SBF2: variants seen among roughly 807,000 people sequenced by gnomAD.
The protein encoded by SBF2 is SET binding factor 2.
A neutral mutation model predicts 225.2 loss-of-function variants in SBF2; 112 were observed. That is an observed-to-expected ratio of 0.50 (90% CI 0.43 to 0.58). The LOEUF is 0.58. Ranked by LOEUF, SBF2 falls within the 20% of genes least tolerant of loss-of-function variation. The pLI is 0.00. For synonymous variants in SBF2, 763 were observed against 773.3 expected, an observed-to-expected ratio of 0.99 and a Z score of 0.22; for missense variants, 1,996 against 2,206.2, an observed-to-expected ratio of 0.90 and a Z score of 1.91.
intron 2 of SBF2, among the ~76,000 whole-genome samples, chr11:10,074,082 T>C (rs934018189): frequency 9.2e-5 from 14 of 152,200 alleles, no homozygotes; most frequent in Non-Finnish European, 1.5e-4. Flanking sequence ...TATTTGTAGT[T>C]TGCTTCACAA....
At chr11:9,996,996 T>A (rs569709946) in intron 9 of SBF2, among the ~76,000 whole-genome samples, 46 of 152,156 alleles carry the variant, frequency 3.0e-4, no homozygotes, top group Non-Finnish European at 5.0e-4. Context: ...ACTAGTGTCT[T>A]TTGCACTCTA....
intron 12 of SBF2, 46 bp from the exon 13 acceptor site, chr11:9,989,641 C>G: frequency 5.3e-6 from 6 of 1,127,010 alleles, no homozygotes; most frequent in Non-Finnish European, 6.6e-6. Flanking sequence ...CAAAATATGC[C>G]AAATTCAAAA....
At position 10,271,971 on chromosome 11, in the gene SBF2, A is replaced by T; in HGVS notation, c.55+22044T>A. ...GCTGAAATATCTCTAAAAGTTAGGT[A>T]AAAGTGTTTTCTTGAGACTTGAAGG... is the stretch of plus-strand genomic sequence containing the variant. On this transcript the variant is annotated intron_variant, in intron 1 of 39. Transcript: ENST00000256190. 2.7e-6 allele frequency: 2 copies of T among 735,446 alleles called. 1 individual carries two copies. The highest frequency in any genetic ancestry group is 4.0e-5 in the South Asian group (2 of 49,904). The allele number at this position is 735,446 out of a possible 1,614,324, so 45.6% of individuals were successfully genotyped here.
In SBF2 at chr11:9,968,372, C is replaced by T. The variant is rs776951161; in HGVS notation, c.1569G>A (p.Lys523=). 31 of 1,614,036 alleles carry T rather than the reference C, an allele frequency of 1.9e-5. No individual in the cohort carries two copies. In the Admixed American group the frequency reaches 5.0e-4, roughly 26 times the overall value. ...GTGGACCTGCTGGCACAACACATTT[C>T]TTTTCTATTCGTGTGGCAGGAGGTG... ...QNAPPATRIE[K]KCVVPAGPPV... Residue 523 remains lysine, a synonymous_variant, in exon 14 of 40, where the codon AAG becomes AAA. Coordinates refer to ENST00000256190, the MANE Select transcript of SBF2 (RefSeq NM_030962.4).
intron 1 of SBF2, among the ~76,000 whole-genome samples, chr11:10,246,476 G>A (rs952961506): frequency 6.6e-6 from 1 of 152,124 alleles, no homozygotes; most frequent in Non-Finnish European, 1.5e-5. Flanking sequence ...TAGACACGGG[G>A]TTTCACCATG....
intron 6 of SBF2, among the ~76,000 whole-genome samples, chr11:10,009,720 A>G (rs541634351): frequency 6.6e-6 from 1 of 152,314 alleles, no homozygotes; most frequent in African/African-American, 2.4e-5. Flanking sequence ...CAATAAACAT[A>G]CGTGTGCATG....
At position 10,080,300 on chromosome 11, in the gene SBF2, A is replaced by G. The variant is rs868702519; in HGVS notation, c.142-37319T>C. On this transcript the variant is annotated intron_variant, in intron 2 of 39. Transcript: ENST00000256190. The stretch of plus-strand genomic sequence containing the variant: ...ACCCCAAATTTTATATCCTGCTAGA[A>G]TAAGTAAAGGAGTAATAAAGTCTTT... Among the ~76,000 whole-genome samples, 7 of 151,798 alleles carry G rather than the reference A, an allele frequency of 4.6e-5. No individual in the cohort carries two copies. The South Asian group carries it at 1.0e-3, about 23-fold the overall frequency.
chr11:10,052,436 A>G (rs1950096868), intron 2 of SBF2, among the ~76,000 whole-genome samples: 1 of 152,200 alleles, frequency 6.6e-6, no homozygotes, highest in Non-Finnish European at 1.5e-5. Context: ...GGAACAGGCA[A>G]TGTGGGAATC....
chr11:10,151,010 T>C (rs891077375), intron 2 of SBF2, among the ~76,000 whole-genome samples: 11 of 152,212 alleles, frequency 7.2e-5, no homozygotes, highest in African/African-American at 1.9e-4. Context: ...TCAGCATTTC[T>C]TGTAAGACTC....
intron 22 of SBF2, 108 bp downstream of exon 22, chr11:9,849,915 A>G: frequency 9.1e-7 from 1 of 1,100,806 alleles, no homozygotes; most frequent in Non-Finnish European, 1.4e-6. Flanking sequence ...TGTGTGGCAA[A>G]AAGCTGACTT....
chr11:9,850,233 A>T lies in SBF2; in HGVS notation c.2611-15T>A. The T allele has an allele frequency of 1.2e-6, 2 of 1,610,096 alleles. No individual in the cohort carries two copies. The highest frequency in any genetic ancestry group is 8.5e-7 in the Non-Finnish European group (1 of 1,178,002). On this transcript the variant is annotated splice_polypyrimidine_tract_variant and intron_variant, in intron 21 of 39. Coordinates refer to ENST00000256190, the MANE Select transcript of SBF2 (RefSeq NM_030962.4). The stretch of plus-strand genomic sequence containing the variant: ...AGAATCTTGGGCTTACAACAGAAAA[A>T]GATTGATTGATTGATTGATTGACTA...
intron 2 of SBF2, among the ~76,000 whole-genome samples, chr11:10,083,141 C>T (rs962638530): frequency 3.9e-5 from 6 of 151,962 alleles, no homozygotes; most frequent in Non-Finnish European, 8.8e-5. Flanking sequence ...GCTACCAAAA[C>T]CAAAACAACA....
At chr11:10,035,960 A>G (rs1422346492) in intron 3 of SBF2, among the ~76,000 whole-genome samples, 1 of 152,212 alleles carries the variant, frequency 6.6e-6, no homozygotes, top group Non-Finnish European at 1.5e-5. Flanking sequence ...ACACATGCAC[A>G]CGTATGCTTA....
chr11:9,884,338 AGTTTTT>A (rs1439324753), intron 17 of SBF2, among the ~76,000 whole-genome samples: 1 of 152,200 alleles, frequency 6.6e-6, no homozygotes, highest in African/African-American at 2.4e-5. Context: ...CTGGACCTTT[AGTTTTT>A]GAGTCTGATC....
intron 28 of SBF2, among the ~76,000 whole-genome samples, chr11:9,827,120 G>A (rs1166268870): frequency 6.6e-6 from 1 of 152,168 alleles, no homozygotes; most frequent in Non-Finnish European, 1.5e-5. Flanking sequence ...TTATAGGCGT[G>A]AGCCACCGTG....
chr11:10,173,261 A>G (rs1043556532), intron 2 of SBF2, among the ~76,000 whole-genome samples: 1 of 152,180 alleles, frequency 6.6e-6, no homozygotes, highest in African/African-American at 2.4e-5. Flanking sequence ...GGTTCATCTC[A>G]CTAGGGAGTG....
At chr11:10,261,861 T>A (rs960290946) in intron 1 of SBF2, among the ~76,000 whole-genome samples, 1 of 152,156 alleles carries the variant, frequency 6.6e-6, no homozygotes, top group South Asian at 2.1e-4. Flanking sequence ...AAAGAAGCCT[T>A]ACATAAAGAA....
rs527552488 is a variant in SBF2, at chr11:10,221,274, C to A, written c.56-27287G>T. On this transcript the variant is annotated intron_variant, in intron 1 of 39. Coordinates refer to ENST00000256190, the MANE Select transcript of SBF2 (RefSeq NM_030962.4). ...CTGGGATTACAGGCATGAGCCGTCA[C>A]GCCCAGCTAATTTTTGTATTTTTAG... is the stretch of plus-strand genomic sequence containing the variant. Among the ~76,000 whole-genome samples, 6 of 151,952 alleles carry A rather than the reference C, an allele frequency of 3.9e-5. No homozygotes were observed. In the South Asian group the frequency reaches 1.3e-3, roughly 32 times the overall value.
At chr11:9,937,897 T>G (rs1434147985) in intron 16 of SBF2, among the ~76,000 whole-genome samples, 1 of 152,084 alleles carries the variant, frequency 6.6e-6, no homozygotes, top group Non-Finnish European at 1.5e-5. Flanking sequence ...AGAATACATC[T>G]AATAAACCAA....
Sources: gnomAD v4.1 joint callset for allele counts (sites outside exome capture counted in the v4.1 genomes callset) on GRCh38, gnomAD v4.1.1 for gene constraint, MANE v1.5 for transcripts, NCBI Gene and HGNC (gene_info 2026-07-23, HGNC 2026-07-21) for gene names.